The following PXMP4 variants were observed in gnomAD, a reference collection of about 807,000 sequenced individuals.
PXMP4 encodes peroxisomal membrane protein 4.
PXMP4 carries 16 observed loss-of-function variants against 21.6 expected under a neutral mutation model. That is an observed-to-expected ratio of 0.74 (90% CI 0.50 to 1.13). PXMP4 has a LOEUF of 1.13. PXMP4 is among the 50% of genes most tolerant of loss of function. The probability of loss-of-function intolerance (pLI) is 0.00; values close to 1 mark genes in which losing one functional copy is unlikely to be tolerated. For synonymous variants in PXMP4, 127 were observed against 123.8 expected, an observed-to-expected ratio of 1.03 and a Z score of -0.17; for missense variants, 240 against 277.7, an observed-to-expected ratio of 0.86 and a Z score of 0.96.
At chr20:33,719,077 G>C (rs2018418453) in intron 1 of PXMP4, among the ~76,000 whole-genome samples, 1 of 152,142 alleles carries the variant, frequency 6.6e-6, no homozygotes, top group Non-Finnish European at 1.5e-5. Flanking sequence ...TGTATTTTTG[G>C]TAGAAACGGG....
chr20:33,719,231 G>C (rs2018420480), intron 1 of PXMP4, among the ~76,000 whole-genome samples: 1 of 152,174 alleles, frequency 6.6e-6, no homozygotes, highest in Non-Finnish European at 1.5e-5. Context: ...ACTCAATCCT[G>C]ATAGTATAAG....
intron 3 of PXMP4, among the ~76,000 whole-genome samples, chr20:33,710,160 C>CT (rs2018308895): frequency 6.8e-6 from 1 of 146,064 alleles, no homozygotes; most frequent in Non-Finnish European, 1.5e-5. Context: ...AGAACCACGC[C>CT]CTTTCCCCAC....
chr20:33,711,120 G>A (rs1253385655), intron 2 of PXMP4, among the ~76,000 whole-genome samples: 1 of 152,192 alleles, frequency 6.6e-6, no homozygotes, highest in Non-Finnish European at 1.5e-5. Flanking sequence ...TGCAGGGCTT[G>A]GCACGTAGTA....
Position 33,710,663 on chromosome 20 carries a change from A to T in PXMP4, c.267T>A (p.Arg89=). The T allele has an allele frequency of 6.2e-7, 1 of 1,613,940 alleles. No individual in the cohort carries two copies. Among genetic ancestry groups the T allele is most frequent in the Non-Finnish European group, 8.5e-7 (1 of 1,179,924 alleles). Residue 89 remains arginine, a synonymous_variant, in exon 3 of 4, where the codon CGT becomes CGA. Transcript: ENST00000409299. ...TGCCTTGTATGTAGGACTGCAGGGC[A>T]CGGAGACCCTTGTAGGTGAACACAA... ...ARFVFTYKGL[R]ALQSYIQGKT...
intron 1 of PXMP4, among the ~76,000 whole-genome samples, chr20:33,717,468 G>A (rs2018394808): frequency 6.7e-6 from 1 of 150,030 alleles, no homozygotes; most frequent in Non-Finnish European, 1.5e-5. Context: ...GTGAAACCCC[G>A]TCTCTACTAA....
In PXMP4 at chr20:33,704,588, T is replaced by C. The variant is rs1408413809; in HGVS notation, c.*3118A>G. On this transcript the variant is annotated 3_prime_UTR_variant, in exon 4 of 4. Transcript: ENST00000409299. ...GAACTTCATAATTACCTACTCCAAGTTTGCAGTAAATGTTGTGGCTGAAAA... is the reference window on the plus strand; with the variant it reads ...GAACTTCATAATTACCTACTCCAAGCTTGCAGTAAATGTTGTGGCTGAAAA... 6.6e-6 allele frequency: 1 copy of C among 152,224 alleles called. No homozygotes were observed. The highest frequency in any genetic ancestry group is 1.9e-4 in the East Asian group (1 of 5,204). The allele number at this position is 152,224 out of a possible 1,614,324, so 9.4% of individuals were successfully genotyped here.
rs796079380 is a variant in PXMP4 at position 33,707,858 on chromosome 20, C to T, written c.487G>A (p.Val163Met). The change falls in exon 4 of 4, where the codon GTG (valine) becomes ATG (methionine). Residue 163 changes from valine (V) to methionine (M), a missense_variant. Val to Met is a conservative substitution (Grantham distance 21, BLOSUM62 1). Transcript: ENST00000409299. The part of the protein sequence containing the change: ...WDPFPLLTAV[V>M]WGLVLWLFEY... ...AAGAGCCACAGCACCAGCCCCCACACCACCGCAGTGAGCAGCGGGAACGGG... is the reference window on the plus strand; with the variant it reads ...AAGAGCCACAGCACCAGCCCCCACATCACCGCAGTGAGCAGCGGGAACGGG... 1.4e-5 allele frequency: 23 copies of T among 1,614,056 alleles called. No individual in the cohort carries two copies. The highest frequency in any genetic ancestry group is 1.9e-5 in the Non-Finnish European group (23 of 1,180,050).
At chr20:33,712,432 T>C (rs1360898703) in intron 2 of PXMP4, among the ~76,000 whole-genome samples, 1 of 151,702 alleles carries the variant, frequency 6.6e-6, no homozygotes, top group Non-Finnish European at 1.5e-5. Context: ...ACCAATCTGT[T>C]CTTAACCTGG....
chr20:33,710,529 T>C lies in PXMP4; in HGVS notation c.375+26A>G, dbSNP rs755695260. The C allele has an allele frequency of 3.3e-6, 4 of 1,207,876 alleles. No homozygotes were observed. The African/African-American group carries it at 5.1e-5, about 15-fold the overall frequency. 74.8% of individuals were successfully genotyped at this position (1,207,876 alleles called of 1,614,324 possible). ...CTGTGCTGAACCACGCCCCCTTCAC[T>C]ACCCCCATCTCGGGAGGATCTTTAC... On this transcript the variant is annotated intron_variant, in intron 3 of 3. Transcript: ENST00000409299.
chr20:33,718,316 C>T lies in PXMP4; in HGVS notation c.113+1779G>A, dbSNP rs181352137. On this transcript the variant is annotated intron_variant, in intron 1 of 3. Transcript: ENST00000409299. The stretch of plus-strand genomic sequence containing the variant: ...ACGAGGTCAGGAGATCGAGCCCATC[C>T]TGGCTAACACGGTGAAACCCTGTCT... Among the ~76,000 whole-genome samples the T allele has an allele frequency of 6.9e-3, 1,053 of 152,120 alleles. 13 individuals carry two copies. The highest frequency in any genetic ancestry group is 0.035 in the Admixed American group (532 of 15,248).
chr20:33,707,482 C>A lies in PXMP4; in HGVS notation c.*224G>T. The A allele has an allele frequency of 1.7e-6, 1 of 595,720 alleles. No homozygotes were observed. The highest frequency in any genetic ancestry group is 2.8e-6 in the Non-Finnish European group (1 of 356,644). The allele number at this position is 595,720 out of a possible 1,614,324, so 36.9% of individuals were successfully genotyped here. ...CCCAGTCTCACAGAAGTCAGCTGCA[C>A]AGCTGGAACCAAGCCGTAGATTCCT... On this transcript the variant is annotated 3_prime_UTR_variant, in exon 4 of 4. Coordinates refer to ENST00000409299, the MANE Select transcript of PXMP4 (RefSeq NM_007238.5).
In PXMP4 at chr20:33,707,451, GC is replaced by G; in HGVS notation, c.*254del. On this transcript the variant is annotated 3_prime_UTR_variant, in exon 4 of 4. Coordinates refer to ENST00000409299, the MANE Select transcript of PXMP4 (RefSeq NM_007238.5). ...CCCCTGAGGCCTAGAGAGTAGTGTG[GC>G]TGGCCCCAGTCTCACAGAAGTCAGC... 2.0e-6 allele frequency: 1 copy of G among 494,384 alleles called. No homozygotes were observed. The highest frequency in any genetic ancestry group is 2.3e-5 in the South Asian group (1 of 43,188). 30.6% of individuals were successfully genotyped at this position (494,384 alleles called of 1,614,324 possible).
intron 3 of PXMP4, 64 bp from the exon 4 acceptor site, chr20:33,708,033 T>C (rs756751662): frequency 1.7e-5 from 25 of 1,513,724 alleles, no homozygotes; most frequent in African/African-American, 2.8e-5. Flanking sequence ...TTGTTTTTGA[T>C]ATTAATAATT....
chr20:33,714,515 TCAACAACAA>T (rs3838023), intron 2 of PXMP4, among the ~76,000 whole-genome samples, 150 bp downstream of exon 2: 3 of 150,776 alleles, frequency 2.0e-5, no homozygotes, highest in Non-Finnish European at 3.0e-5. Context: ...AGACTCCATC[TCAACAACAA>T]CAACAACAAC....
chr20:33,714,965 T>C (rs1331707754), intron 1 of PXMP4, among the ~76,000 whole-genome samples: 1 of 152,102 alleles, frequency 6.6e-6, no homozygotes, highest in Non-Finnish European at 1.5e-5. Context: ...AAAAGGGATG[T>C]TTATTTTTAA....
In PXMP4 at chr20:33,705,892, AC is replaced by A. The variant is rs1288785097; in HGVS notation, c.*1813del. The A allele has an allele frequency of 6.6e-6, 1 of 151,466 alleles. No homozygotes were observed. The highest frequency in any genetic ancestry group is 2.4e-5 in the African/African-American group (1 of 41,224). 9.4% of individuals were successfully genotyped at this position (151,466 alleles called of 1,614,324 possible). ...CTAGCTGTATTACCTTGGGCAAGTT[AC>A]TCTCCTCTCTGATTCTCAGTTTCTT... On this transcript the variant is annotated 3_prime_UTR_variant, in exon 4 of 4. Coordinates refer to ENST00000409299, the MANE Select transcript of PXMP4 (RefSeq NM_007238.5).
Position 33,707,948 on chromosome 20 carries a change from G to T in PXMP4, c.397C>A (p.Arg133Ser). ...NSQINMYLLS[R>S]VLFALSRLAV... ...AGGCGGCTCAGGGCAAACAGGACGC[G>T]TGACAACAGGTACATGTTGATCTGC... The change falls in exon 4 of 4, where the codon CGC (arginine) becomes AGC (serine). Residue 133 changes from arginine (R) to serine (S), a missense_variant. Coordinates refer to ENST00000409299, the MANE Select transcript of PXMP4 (RefSeq NM_007238.5). 6.2e-7 allele frequency: 1 copy of T among 1,613,992 alleles called. No homozygotes were observed. The highest frequency in any genetic ancestry group is 8.5e-7 in the Non-Finnish European group (1 of 1,180,012).
rs2122597926 is a variant in PXMP4, at chr20:33,720,273, T to G, written c.-66A>C. 7.0e-7 allele frequency: 1 copy of G among 1,436,996 alleles called. No homozygotes were observed. The highest frequency in any genetic ancestry group is 2.5e-5 in the East Asian group (1 of 40,064). 89.0% of individuals were successfully genotyped at this position (1,436,996 alleles called of 1,614,324 possible). A position where few individuals can be genotyped will look rare whatever the true frequency, so the allele number is the denominator to read the frequency against. ...CGCACTGACAGCCGGAGGTTCCAGCTGCGCGCCCACAGCCCCTCGGTAGCG... is the reference window on the plus strand; with the variant it reads ...CGCACTGACAGCCGGAGGTTCCAGCGGCGCGCCCACAGCCCCTCGGTAGCG... On this transcript the variant is annotated 5_prime_UTR_variant, in exon 1 of 4. Transcript: ENST00000409299.
At chr20:33,719,971 G>T in intron 1 of PXMP4, 124 bp downstream of exon 1, 1 of 908,542 alleles carries the variant, frequency 1.1e-6, no homozygotes, top group South Asian at 1.6e-5. Context: ...TGACCTCCGA[G>T]ACTTAGAGAC....
Sources: allele counts gnomAD v4.1 joint callset (sites outside exome capture counted in the v4.1 genomes callset), GRCh38; gene constraint gnomAD v4.1.1; transcripts MANE v1.5; gene names NCBI Gene and HGNC (gene_info 2026-07-23, HGNC 2026-07-21).